The following PAIP1 variants were observed in gnomAD, a reference collection of about 807,000 sequenced individuals.
PAIP1 encodes poly(A) binding protein interacting protein 1.
In PAIP1, 16 loss-of-function variants were observed where a neutral mutation model predicts 61.3. The observed-to-expected ratio is 0.26, with a 90% CI of 0.18 to 0.40. The LOEUF is 0.40. Among genes scored for constraint, PAIP1 ranks in the 10% least tolerant of loss-of-function variants. The pLI is 1.00. For missense variants in PAIP1, 416 were observed against 600.9 expected (o/e 0.69, Z 3.22); for synonymous variants, 187 against 226.2 (o/e 0.83, Z 1.56).
intron 3 of PAIP1, among the ~76,000 whole-genome samples, chr5:43,543,977 T>C (rs1747527632): frequency 6.6e-6 from 1 of 151,772 alleles, no homozygotes; most frequent in Non-Finnish European, 1.5e-5. Context: ...CCACCATCTC[T>C]ATAAAAAAAT....
chr5:43,535,743 T>G, intron 6 of PAIP1, 103 bp from the exon 7 acceptor site: 3 of 663,788 alleles, frequency 4.5e-6, no homozygotes, highest in Non-Finnish European at 7.9e-6. Context: ...CAAGATGAAT[T>G]TAGCAAGTTT....
At chr5:43,543,709 A>G (rs1747513286) in intron 3 of PAIP1, among the ~76,000 whole-genome samples, 1 of 152,214 alleles carries the variant, frequency 6.6e-6, no homozygotes, top group South Asian at 2.1e-4. Context: ...AGAAAAAAAA[A>G]AAAGTAAGAA....
At chr5:43,552,564 A>G (rs941187834) in intron 2 of PAIP1, among the ~76,000 whole-genome samples, 1 of 152,228 alleles carries the variant, frequency 6.6e-6, no homozygotes, top group South Asian at 2.1e-4. Context: ...TTGGGAGGAT[A>G]AAGTACTGCC....
At chr5:43,551,390 G>C (rs946329830) in intron 2 of PAIP1, among the ~76,000 whole-genome samples, 1 of 152,028 alleles carries the variant, frequency 6.6e-6, no homozygotes, top group Non-Finnish European at 1.5e-5. Flanking sequence ...CTGTATAATG[G>C]AATATTATAG....
Position 43,540,139 on chromosome 5 carries a change from G to A in PAIP1, c.735-1104C>T, listed in dbSNP as rs1000967411. Among the ~76,000 whole-genome samples the A allele has an allele frequency of 5.9e-5, 9 of 152,318 alleles. No homozygotes were observed. In the South Asian group the frequency reaches 1.2e-3, roughly 21 times the overall value. On this transcript the variant is annotated intron_variant, in intron 4 of 10. Coordinates refer to ENST00000306846, the MANE Select transcript of PAIP1 (RefSeq NM_006451.5). ...CCCCAGCACAGCTTACTGTGCTTAC[G>A]TGGCCAATTCCAATGTTTACGAGGT...
intron 8 of PAIP1, among the ~76,000 whole-genome samples, chr5:43,534,400 C>T (rs1169641112): frequency 6.6e-6 from 1 of 152,126 alleles, no homozygotes; most frequent in African/African-American, 2.4e-5. Flanking sequence ...GGTTTCTCCA[C>T]GTTGGTCAGG....
Position 43,533,768 on chromosome 5 carries a change from C to T in PAIP1, c.1222G>A (p.Asp408Asn). The change falls in exon 9 of 11, where the codon GAT (aspartate) becomes AAT (asparagine). Residue 408 changes from aspartate (D) to asparagine (N), a missense_variant. Asp to Asn is a conservative substitution (Grantham distance 23). This residue lies in a region of PAIP1 where 135 missense variants were observed against 283.9 expected (regional missense o/e 0.48). Transcript: ENST00000306846. ...FMNEPTFYTS[D>N]GVPFTAADPD... Reference sequence around the variant, plus strand: ...TCAGCTGCAGTGAAAGGAACACCATCAGATGTATAAAATGTTGGTTCATTC... The same window carrying T: ...TCAGCTGCAGTGAAAGGAACACCATTAGATGTATAAAATGTTGGTTCATTC... 6.3e-7 allele frequency: 1 copy of T among 1,585,544 alleles called. No homozygotes were observed. The highest frequency in any genetic ancestry group is 1.1e-5 in the South Asian group (1 of 90,456).
At chr5:43,544,559 T>C (rs1227575885) in intron 3 of PAIP1, among the ~76,000 whole-genome samples, 6 of 152,214 alleles carry the variant, frequency 3.9e-5, no homozygotes, top group Admixed American at 3.9e-4. Flanking sequence ...CCAAAAATGT[T>C]TTAATCCCCA....
At position 43,548,026 on chromosome 5, in the gene PAIP1, TTA is replaced by T. The variant is rs1471283586; in HGVS notation, c.436-115_436-114del. On this transcript the variant is annotated intron_variant, in intron 2 of 10. Coordinates refer to ENST00000306846, the MANE Select transcript of PAIP1 (RefSeq NM_006451.5). ...TAAAGATCCCTCACATGATAAAAAT[TTA>T]TGTTCATCAATAAAATTGTCAATTG... 9.7e-6 allele frequency: 6 copies of T among 617,638 alleles called. No homozygotes were observed. The African/African-American group carries it at 1.2e-4, about 12-fold the overall frequency. 38.3% of individuals were successfully genotyped at this position (617,638 alleles called of 1,614,324 possible).
intron 4 of PAIP1, among the ~76,000 whole-genome samples, chr5:43,539,456 C>T (rs200220043): frequency 0.066 from 2,923 of 44,594 alleles, 38 homozygotes; most frequent in East Asian, 0.45. Flanking sequence ...TTTAAATACA[C>T]ACACACACAC....
At chr5:43,543,994 A>G (rs1410141780) in intron 3 of PAIP1, among the ~76,000 whole-genome samples, 1 of 151,924 alleles carries the variant, frequency 6.6e-6, no homozygotes, top group African/African-American at 2.4e-5. Flanking sequence ...AAATTTTAAA[A>G]TTAGCTGGGC....
At chr5:43,531,676 A>AAAAAAAAG (rs70997407) in intron 9 of PAIP1, among the ~76,000 whole-genome samples, 4 of 143,104 alleles carry the variant, frequency 2.8e-5, no homozygotes, top group East Asian at 2.3e-4. Flanking sequence ...AAAAAAAAAA[A>AAAAAAAAG]AGAGAAAAAA....
At chr5:43,555,007 T>C (rs563877593) in intron 2 of PAIP1, among the ~76,000 whole-genome samples, 250 of 152,360 alleles carry the variant, frequency 1.6e-3, no homozygotes, top group African/African-American at 5.9e-3. Context: ...GTAATCTTGA[T>C]ATTGAAAGTG....
chr5:43,529,306 T>C (rs1237118227), intron 10 of PAIP1, among the ~76,000 whole-genome samples: 1 of 152,220 alleles, frequency 6.6e-6, no homozygotes. Flanking sequence ...ATGGTTATTT[T>C]CCTCAACTAT....
At chr5:43,528,458 A>G (rs554537579) in intron 10 of PAIP1, among the ~76,000 whole-genome samples, 2 of 152,292 alleles carry the variant, frequency 1.3e-5, no homozygotes, top group South Asian at 4.1e-4. Flanking sequence ...CCATGAGCTC[A>G]TTAGGGCAAG....
intron 2 of PAIP1, 71 bp downstream of exon 2, chr5:43,555,759 T>G (rs1231663624): frequency 7.5e-7 from 1 of 1,340,172 alleles, no homozygotes; most frequent in Non-Finnish European, 1.0e-6. Flanking sequence ...AAACATACTC[T>G]GATTAACAAA....
At chr5:43,536,294 T>A (rs1401633916) in intron 6 of PAIP1, among the ~76,000 whole-genome samples, 2 of 152,178 alleles carry the variant, frequency 1.3e-5, no homozygotes, top group Non-Finnish European at 2.9e-5. Context: ...CCTACAAAAG[T>A]ATCTGCACAT....
chr5:43,537,996 CAAAAAAAAAAAAAA>C (rs5867636), intron 5 of PAIP1, among the ~76,000 whole-genome samples: 1 of 92,682 alleles, frequency 1.1e-5, no homozygotes, highest in African/African-American at 4.0e-5. Context: ...TGTCCCCACC[CAAAAAAAAAAAAAA>C]AAAAAAAAAA....
At chr5:43,538,241 C>T (rs1561231280) in intron 5 of PAIP1, among the ~76,000 whole-genome samples, 1 of 151,914 alleles carries the variant, frequency 6.6e-6, no homozygotes, top group East Asian at 1.9e-4. Flanking sequence ...TCAAAGGACA[C>T]AGAATTTCAT....
Sources: allele counts gnomAD v4.1 joint callset (sites outside exome capture counted in the v4.1 genomes callset), GRCh38; gene constraint gnomAD v4.1.1; regional missense constraint gnomAD v4.1.1; transcripts MANE v1.5; gene names NCBI Gene and HGNC (gene_info 2026-07-23, HGNC 2026-07-21).